Variants in MACROD1 observed in about 807,000 individuals in gnomAD.
MACROD1 encodes the protein ADP-ribose glycohydrolase MACROD1.
MACROD1 carries 31 observed loss-of-function variants against 41.4 expected under a neutral mutation model. That is an observed-to-expected ratio of 0.75 (90% confidence interval 0.56 to 1.01). The LOEUF is 1.01. Among genes scored for constraint, MACROD1 ranks in the 50% least tolerant of loss-of-function variants. The probability of loss-of-function intolerance (pLI) is 0.00; values close to 1 mark genes in which losing one functional copy is unlikely to be tolerated. For synonymous variants in MACROD1, 252 were observed against 203.4 expected (o/e 1.24, Z -2.03); for missense variants, 473 against 460.0 (o/e 1.03, Z -0.26).
chr11:64,155,830 C>T (rs1420863353), intron 1 of MACROD1, among the ~76,000 whole-genome samples: 3 of 151,626 alleles, frequency 2.0e-5, no homozygotes, highest in Non-Finnish European at 1.5e-5. Context: ...GCTGAGCGGC[C>T]GGGCATGGTG....
chr11:64,139,678 C>T (rs762983574), intron 3 of MACROD1, among the ~76,000 whole-genome samples: 4 of 152,100 alleles, frequency 2.6e-5, no homozygotes, highest in Non-Finnish European at 5.9e-5. Context: ...AGGGGCTGGC[C>T]GGGTGCGGTG....
At chr11:64,151,530 C>A (rs906667066) in intron 2 of MACROD1, among the ~76,000 whole-genome samples, 175 bp from the exon 3 acceptor site, 1 of 152,218 alleles carries the variant, frequency 6.6e-6, no homozygotes, top group African/African-American at 2.4e-5. Context: ...GCACCTACTG[C>A]GTGCTAAAAT....
intron 1 of MACROD1, among the ~76,000 whole-genome samples, chr11:64,156,449 G>A (rs954183594): frequency 2.6e-5 from 4 of 152,146 alleles, no homozygotes; most frequent in South Asian, 2.1e-4. Context: ...GGACCCGGAC[G>A]GACCCCAGAG....
intron 3 of MACROD1, among the ~76,000 whole-genome samples, chr11:64,143,094 A>C (rs1054192915): frequency 1.5e-5 from 2 of 135,254 alleles, no homozygotes; most frequent in African/African-American, 2.7e-5. Context: ...AGCCTGGGGA[A>C]CAGTGTGACC....
chr11:64,151,462 C>G, intron 2 of MACROD1, 107 bp from the exon 3 acceptor site: 1 of 754,020 alleles, frequency 1.3e-6, no homozygotes, highest in Non-Finnish European at 2.3e-6. Flanking sequence ...CCTCCACCTC[C>G]AGGGGCAGCC....
At chr11:64,062,385 G>A (rs1345525900) in intron 3 of MACROD1, among the ~76,000 whole-genome samples, 1 of 152,112 alleles carries the variant, frequency 6.6e-6, no homozygotes, top group African/African-American at 2.4e-5. Context: ...TCCCACACCT[G>A]GAGGTCTTAT....
At chr11:64,080,709 G>C (rs759443621) in intron 3 of MACROD1, among the ~76,000 whole-genome samples, 3 of 152,160 alleles carry the variant, frequency 2.0e-5, no homozygotes. Context: ...ACCCAGGACC[G>C]GGGAAGGAGG....
At chr11:64,085,684 C>T (rs1340371812) in intron 3 of MACROD1, among the ~76,000 whole-genome samples, 4 of 152,274 alleles carry the variant, frequency 2.6e-5, no homozygotes, top group East Asian at 3.9e-4. Context: ...GGACGGTCAC[C>T]CACAGACAGG....
intron 3 of MACROD1, among the ~76,000 whole-genome samples, chr11:64,088,285 G>A (rs903027038): frequency 1.3e-5 from 2 of 152,194 alleles, no homozygotes; most frequent in African/African-American, 4.8e-5. Flanking sequence ...CCAGGAGATG[G>A]GGGGACCTTG....
At chr11:64,101,590 C>T (rs2845885) in intron 3 of MACROD1, among the ~76,000 whole-genome samples, 132,027 of 152,174 alleles carry the variant, frequency 0.87, 58,101 homozygotes, top group Non-Finnish European at 0.94. Flanking sequence ...GATGACCTCA[C>T]TGGACTTTTT....
chr11:64,151,376 G>A, intron 2 of MACROD1, 21 bp from the exon 3 acceptor site: 1 of 1,589,188 alleles, frequency 6.3e-7, no homozygotes. Context: ...TAGGGGCCGG[G>A]GAGGTCACAG....
rs949376681 is a variant in MACROD1 at position 64,036,815 on chromosome 11, C to G, written c.518-21534G>C. ...CCTGGGCGGGGGGCGGCGGGCACCC[C>G]CCATCCCCCAGCTCTCAAGACAAGG... On this transcript the variant is annotated intron_variant, in intron 3 of 10. Transcript: ENST00000255681. The surrounding 1 kb of genome is among the most constrained non-coding windows in gnomAD (Gnocchi z 5.6). Among the ~76,000 whole-genome samples, 7 of 152,146 alleles carry G rather than the reference C, an allele frequency of 4.6e-5. No individual in the cohort carries two copies. Among genetic ancestry groups the G allele is most frequent in the Admixed American group, 3.9e-4 (6 of 15,286 alleles).
At chr11:64,062,570 T>C (rs1307990821) in intron 3 of MACROD1, among the ~76,000 whole-genome samples, 3 of 152,196 alleles carry the variant, frequency 2.0e-5, no homozygotes, top group East Asian at 1.9e-4. Context: ...TCGGTCTCTG[T>C]TTCCTGAACA....
Position 64,165,904 on chromosome 11 carries a change from A to C in MACROD1, c.91T>G (p.Leu31Val). ...LVPPRPRPGH[L>V]AGATRTRSST... ...CTGCGGGTCCTCGTGGCACCCGCCAAGTGTCCGGGCCGGGGGCGCGGGGGG... is the reference window on the plus strand; with the variant it reads ...CTGCGGGTCCTCGTGGCACCCGCCACGTGTCCGGGCCGGGGGCGCGGGGGG... Residue 31 changes from leucine to valine, a missense_variant, in exon 1 of 11, where the codon TTG (leucine) becomes GTG (valine). By Grantham distance (32) the Leu-to-Val change is conservative (BLOSUM62 1). Coordinates refer to ENST00000255681, the MANE Select transcript of MACROD1 (RefSeq NM_014067.4). 1.5e-6 allele frequency: 2 copies of C among 1,370,864 alleles called. No individual in the cohort carries two copies. Among genetic ancestry groups the C allele is most frequent in the Non-Finnish European group, 1.9e-6 (2 of 1,067,912 alleles). The allele number at this position is 1,370,864 out of a possible 1,614,324, so 84.9% of individuals were successfully genotyped here. A position where few individuals can be genotyped will look rare whatever the true frequency, so the allele number is the denominator to read the frequency against.
At chr11:64,164,800 G>A (rs1945812040) in intron 1 of MACROD1, among the ~76,000 whole-genome samples, 1 of 149,808 alleles carries the variant, frequency 6.7e-6, no homozygotes, top group African/African-American at 2.4e-5. Context: ...CTTTTGAAAG[G>A]GGATCCAGCC....
chr11:64,030,157 C>CAT (rs2134363166), intron 3 of MACROD1, among the ~76,000 whole-genome samples: 1 of 151,572 alleles, frequency 6.6e-6, no homozygotes, highest in African/African-American at 2.4e-5. Context: ...ACCTGATCTC[C>CAT]CCCGTCATGT....
chr11:64,008,033 G>A (rs1942942065), intron 4 of MACROD1, among the ~76,000 whole-genome samples: 1 of 152,260 alleles, frequency 6.6e-6, no homozygotes, highest in South Asian at 2.1e-4. Flanking sequence ...GCGGCCGGGC[G>A]ATGGGAGATA....
At chr11:64,115,696 GC>G (rs1249491427) in intron 3 of MACROD1, among the ~76,000 whole-genome samples, 1 of 152,192 alleles carries the variant, frequency 6.6e-6, no homozygotes. Flanking sequence ...GGGCCTTCCA[GC>G]AACAAGCTTT....
At chr11:64,156,496 GA>G (rs1945670891) in intron 1 of MACROD1, among the ~76,000 whole-genome samples, 1 of 152,164 alleles carries the variant, frequency 6.6e-6, no homozygotes, top group Non-Finnish European at 1.5e-5. Flanking sequence ...CAGGCCCTGG[GA>G]ATCCCATGGA....
Sources: allele counts gnomAD v4.1 joint callset (sites outside exome capture counted in the v4.1 genomes callset), GRCh38; gene constraint gnomAD v4.1.1; non-coding constraint Gnocchi (gnomAD v3.1); transcripts MANE v1.5; gene names NCBI Gene and HGNC (gene_info 2026-07-23, HGNC 2026-07-21).